The following ELAVL2 variants were observed in gnomAD, a reference collection of about 807,000 sequenced individuals.
The protein encoded by ELAVL2 is ELAV-like protein 2.
A neutral mutation model predicts 34.6 loss-of-function variants in ELAVL2; 4 were observed. That is an observed-to-expected ratio of 0.12 (90% CI 0.06 to 0.26). The LOEUF (loss-of-function observed/expected upper bound fraction) is 0.26. Ranked by LOEUF, ELAVL2 falls within the 10% of genes least tolerant of loss-of-function variation. ELAVL2 has a pLI of 1.00. For missense variants in ELAVL2, 432 were observed against 442.8 expected (o/e 0.98, Z 0.22); for synonymous variants, 193 against 154.8 (o/e 1.25, Z -1.83).
chr9:23,724,302 C>G (rs1475013670), intron 3 of ELAVL2, among the ~76,000 whole-genome samples: 1 of 152,148 alleles, frequency 6.6e-6, no homozygotes, highest in Non-Finnish European at 1.5e-5. Context: ...TAGGCTCTGC[C>G]TCTGCTCCAA....
At chr9:23,697,592 C>T (rs1340112260) in intron 5 of ELAVL2, among the ~76,000 whole-genome samples, 1 of 152,096 alleles carries the variant, frequency 6.6e-6, no homozygotes, top group Non-Finnish European at 1.5e-5. Context: ...TGTGTATAAA[C>T]ATTTTTCTAT....
intron 5 of ELAVL2, among the ~76,000 whole-genome samples, chr9:23,700,743 A>G (rs991235967): frequency 1.3e-5 from 2 of 152,220 alleles, no homozygotes; most frequent in African/African-American, 4.8e-5. Context: ...ACAATTTTGA[A>G]AAGGAAGAGA....
intron 3 of ELAVL2, among the ~76,000 whole-genome samples, chr9:23,718,283 A>G (rs10966041): frequency 0.13 from 19,969 of 152,160 alleles, 1,458 homozygotes; most frequent in East Asian, 0.16. Flanking sequence ...TTTAAAACAC[A>G]ATCTGCAAGC....
chr9:23,799,061 T>C (rs916058046), intron 1 of ELAVL2, among the ~76,000 whole-genome samples: 2 of 152,184 alleles, frequency 1.3e-5, no homozygotes, highest in Non-Finnish European at 2.9e-5. Flanking sequence ...ACCCTTATCA[T>C]AATGGCCTTC....
intron 1 of ELAVL2, among the ~76,000 whole-genome samples, chr9:23,772,008 G>T (rs2057384453): frequency 6.6e-6 from 1 of 152,196 alleles, no homozygotes; most frequent in East Asian, 1.9e-4. Context: ...ATCTAAAAAG[G>T]GATATGAGTA....
intron 1 of ELAVL2, among the ~76,000 whole-genome samples, chr9:23,767,813 G>A (rs1362130940): frequency 1.3e-5 from 2 of 152,076 alleles, no homozygotes; most frequent in Non-Finnish European, 2.9e-5. Flanking sequence ...TATTCTGAGA[G>A]TTGTTATTAA....
At chr9:23,754,019 G>C (rs2052868941) in intron 2 of ELAVL2, among the ~76,000 whole-genome samples, 1 of 152,100 alleles carries the variant, frequency 6.6e-6, no homozygotes. Context: ...TAAGGGCTAG[G>C]AAAGCACAAA....
At chr9:23,718,605 C>G (rs1411669067) in intron 3 of ELAVL2, among the ~76,000 whole-genome samples, 1 of 152,142 alleles carries the variant, frequency 6.6e-6, no homozygotes, top group African/African-American at 2.4e-5. Flanking sequence ...AAAAGAATAA[C>G]AGAAATGTTA....
Position 23,762,182 on chromosome 9 carries a change from G to A in ELAVL2, c.53C>T (p.Pro18Leu). 1 of 1,613,580 alleles carries A rather than the reference G, an allele frequency of 6.2e-7. No individual in the cohort carries two copies. The highest frequency in any genetic ancestry group is 8.5e-7 in the Non-Finnish European group (1 of 1,179,630). Residue 18 changes from proline to leucine, a missense_variant, in exon 2 of 7, where the codon CCA becomes CTA. Around this residue, in one of 3 missense-constraint regions of ELAVL2, gnomAD observed 132 missense variants for 118.3 expected, o/e 1.12. Coordinates refer to ENST00000397312, the MANE Select transcript of ELAVL2 (RefSeq NM_004432.5). ...CGAACAGTTGTTGTTTATGGTGGTT[G>A]GACCATTGGCTGTGTTATTGCAAGT... is the stretch of plus-strand genomic sequence containing the variant. ...GPTCNNTANG[P>L]TTINNNCSSP...
chr9:23,699,735 G>C (rs1854443), intron 5 of ELAVL2, among the ~76,000 whole-genome samples: 2 of 148,528 alleles, frequency 1.3e-5, no homozygotes, highest in African/African-American at 5.0e-5. Context: ...TCTCCACAAA[G>C]GCAAGCATCA....
At position 23,692,698 on chromosome 9, in the gene ELAVL2, G is replaced by A; in HGVS notation, c.939C>T (p.Thr313=). The A allele has an allele frequency of 6.2e-7, 1 of 1,614,144 alleles. No homozygotes were observed. The highest frequency in any genetic ancestry group is 1.1e-5 in the South Asian group (1 of 91,078). Residue 313 remains threonine, a synonymous_variant, in exon 7 of 7, where the codon ACC becomes ACT. Coordinates refer to ENST00000397312, the MANE Select transcript of ELAVL2 (RefSeq NM_004432.5). The stretch of plus-strand genomic sequence containing the variant: ...CAAATCCAAAACCTTTGCATTTATT[G>A]GTGTTAAAGTCACGGATGACCTTCA... The part of the protein sequence containing the change: ...TNVKVIRDFN[T]NKCKGFGFVT...
chr9:23,717,606 C>T (rs1181880654), intron 3 of ELAVL2, among the ~76,000 whole-genome samples: 2 of 152,052 alleles, frequency 1.3e-5, no homozygotes, highest in East Asian at 1.9e-4. Context: ...CTTCTTTTTC[C>T]GCCCAATAAA....
intron 1 of ELAVL2, among the ~76,000 whole-genome samples, chr9:23,786,940 G>A (rs1006480190): frequency 1.3e-5 from 2 of 152,032 alleles, no homozygotes; most frequent in Non-Finnish European, 2.9e-5. Flanking sequence ...AGTTTTTCAT[G>A]TCCAATATAT....
intron 1 of ELAVL2, among the ~76,000 whole-genome samples, chr9:23,815,570 C>T (rs146580939): frequency 3.9e-5 from 6 of 152,268 alleles, no homozygotes; most frequent in Admixed American, 3.9e-4. Context: ...CCAATTCAGT[C>T]AATGTCATTT....
At chr9:23,729,385 A>G (rs1229539920) in intron 3 of ELAVL2, among the ~76,000 whole-genome samples, 3 of 152,154 alleles carry the variant, frequency 2.0e-5, no homozygotes, top group Non-Finnish European at 4.4e-5. Context: ...GCTGTAGGAT[A>G]AAGAGCACAC....
At chr9:23,818,168 T>G (rs2063989714) in intron 1 of ELAVL2, among the ~76,000 whole-genome samples, 1 of 152,132 alleles carries the variant, frequency 6.6e-6, no homozygotes, top group Non-Finnish European at 1.5e-5. Flanking sequence ...AAGAAAAAAT[T>G]TTATGCATTT....
At chr9:23,818,089 T>C (rs1481187686) in intron 1 of ELAVL2, among the ~76,000 whole-genome samples, 5 of 152,154 alleles carry the variant, frequency 3.3e-5, no homozygotes, top group African/African-American at 4.8e-5. Context: ...TGAACTACAA[T>C]ATGTGGGCTC....
intron 1 of ELAVL2, among the ~76,000 whole-genome samples, chr9:23,825,459 T>A (rs997182727): frequency 6.6e-6 from 1 of 152,106 alleles, no homozygotes; most frequent in South Asian, 2.1e-4. Flanking sequence ...AGTAGAGGCA[T>A]GCATCCCCAA....
the ELAVL2 span, among the ~76,000 whole-genome samples, chr9:23,842,454 T>C: frequency 6.6e-6 from 1 of 152,122 alleles, no homozygotes; most frequent in Non-Finnish European, 1.5e-5. Context: ...CCTGAGAATC[T>C]ACTTTCTGAC....
Sources: gnomAD v4.1 joint callset for allele counts (sites outside exome capture counted in the v4.1 genomes callset) on GRCh38, gnomAD v4.1.1 for gene constraint, gnomAD v4.1.1 regional missense constraint, MANE v1.5 for transcripts, NCBI Gene and HGNC (gene_info 2026-07-23, HGNC 2026-07-21) for gene names.